EPC1: variants seen among roughly 807,000 people sequenced by gnomAD.
The protein encoded by EPC1 is enhancer of polycomb 1.
EPC1 carries 12 observed loss-of-function variants against 98.4 expected under a neutral mutation model. The ratio of observed to expected loss-of-function variants is 0.12; its 90% CI spans 0.08 to 0.20. The LOEUF (loss-of-function observed/expected upper bound fraction) is 0.20. EPC1 is among the 10% of genes least tolerant of loss of function. The pLI, the probability that EPC1 is intolerant of heterozygous loss-of-function variation, is 1.00. For synonymous variants in EPC1, 357 were observed against 363.9 expected, an observed-to-expected ratio of 0.98 and a Z score of 0.21; for missense variants, 729 against 990.5, an observed-to-expected ratio of 0.74 and a Z score of 3.54.
intron 1 of EPC1, among the ~76,000 whole-genome samples, chr10:32,316,230 G>C (rs73247703): frequency 0.052 from 7,968 of 152,238 alleles, 659 homozygotes; most frequent in African/African-American, 0.18. Context: ...GGAATAACTA[G>C]AACTCTCATA....
chr10:32,352,889 C>G (rs558990683), intron 1 of EPC1, among the ~76,000 whole-genome samples: 8 of 152,300 alleles, frequency 5.3e-5, no homozygotes, highest in Non-Finnish European at 1.0e-4. Flanking sequence ...GACACAGTGG[C>G]TCACACCTGT....
At chr10:32,320,558 T>A (rs1243595463) in intron 1 of EPC1, among the ~76,000 whole-genome samples, 1 of 152,192 alleles carries the variant, frequency 6.6e-6, no homozygotes, top group East Asian at 1.9e-4. Context: ...TCTTCCAAAT[T>A]AATAATACAG....
intron 1 of EPC1, among the ~76,000 whole-genome samples, chr10:32,336,210 A>G (rs1564553871): frequency 6.6e-6 from 1 of 151,890 alleles, no homozygotes; most frequent in Non-Finnish European, 1.5e-5. Context: ...CTGGGATTAC[A>G]GGCGTCTGCC....
chr10:32,367,162 A>G (rs1343246914), intron 1 of EPC1, among the ~76,000 whole-genome samples: 1 of 151,972 alleles, frequency 6.6e-6, no homozygotes, highest in African/African-American at 2.4e-5. Flanking sequence ...CACCTGGCTA[A>G]TTTTTGTATT....
At chr10:32,317,775 T>C (rs1836642501) in intron 1 of EPC1, among the ~76,000 whole-genome samples, 1 of 152,192 alleles carries the variant, frequency 6.6e-6, no homozygotes, top group Non-Finnish European at 1.5e-5. Flanking sequence ...TCACAAGAAA[T>C]AAATGATACA....
chr10:32,358,677 TAA>T (rs1256703211), intron 1 of EPC1, among the ~76,000 whole-genome samples: 2 of 150,734 alleles, frequency 1.3e-5, no homozygotes, highest in Admixed American at 1.3e-4. Context: ...AAAGTGGGTT[TAA>T]ATTTTCACGG....
At position 32,273,149 on chromosome 10, in the gene EPC1, G is replaced by A; in HGVS notation, c.1863+14C>T. On this transcript the variant is annotated intron_variant, in intron 11 of 13. Transcript: ENST00000319778. ...AACAATGAGGGATAATCATAAGACA[G>A]ACAAATCCCTCACCTGTGATGTGTT... The A allele has an allele frequency of 6.2e-7, 1 of 1,614,108 alleles. No homozygotes were observed. Among genetic ancestry groups the A allele is most frequent in the South Asian group, 1.1e-5 (1 of 91,084 alleles).
intron 1 of EPC1, among the ~76,000 whole-genome samples, chr10:32,376,481 T>A (rs924776576): frequency 6.6e-6 from 1 of 152,096 alleles, no homozygotes; most frequent in Non-Finnish European, 1.5e-5. Flanking sequence ...CTATAAATAA[T>A]CTATAATGTC....
chr10:32,291,483 T>C (rs1834847098), intron 5 of EPC1, 161 bp from the exon 6 acceptor site: 1 of 571,814 alleles, frequency 1.7e-6, no homozygotes, highest in African/African-American at 1.9e-5. Context: ...GTGAGATTAC[T>C]TAAGATCTAC....
chr10:32,325,223 C>G (rs1837202475), intron 1 of EPC1, among the ~76,000 whole-genome samples: 1 of 152,014 alleles, frequency 6.6e-6, no homozygotes, highest in Non-Finnish European at 1.5e-5. Flanking sequence ...CACTGTAAAA[C>G]ACAAAACAAA....
intron 1 of EPC1, among the ~76,000 whole-genome samples, chr10:32,363,096 C>T (rs1179093010): frequency 6.6e-6 from 1 of 152,150 alleles, no homozygotes; most frequent in Admixed American, 6.5e-5. Flanking sequence ...ACCTGAGAGA[C>T]AGGGTTTCAC....
At chr10:32,345,203 T>C (rs1838681227) in intron 1 of EPC1, 1 of 984,912 alleles carries the variant, frequency 1.0e-6, no homozygotes, top group African/African-American at 1.7e-5. Context: ...ACAAGTAAAA[T>C]AAATTAAGAG....
chr10:32,302,649 C>A (rs376513418), intron 2 of EPC1, among the ~76,000 whole-genome samples: 497 of 117,158 alleles, frequency 4.2e-3, no homozygotes, highest in African/African-American at 4.6e-3. Flanking sequence ...GACTCCATCT[C>A]AAAAAAAAAA....
At chr10:32,271,501 G>A (rs1835841053) in intron 13 of EPC1, 53 bp downstream of exon 13, 2 of 1,561,256 alleles carry the variant, frequency 1.3e-6, no homozygotes, top group African/African-American at 1.4e-5. Context: ...GATGCTGGAG[G>A]ACTGAAGTTA....
At chr10:32,335,176 T>C (rs1837882108) in intron 1 of EPC1, among the ~76,000 whole-genome samples, 1 of 152,158 alleles carries the variant, frequency 6.6e-6, no homozygotes. Flanking sequence ...TTATCTTGTA[T>C]TGTTTGCTCA....
intron 10 of EPC1, chr10:32,283,678 C>T (rs1836520822): frequency 6.6e-6 from 1 of 152,148 alleles, no homozygotes; most frequent in South Asian, 2.1e-4. Flanking sequence ...ATACATATAA[C>T]ATACAAAACA....
At chr10:32,286,903 T>C in intron 8 of EPC1, 23 bp downstream of exon 8, 1 of 1,610,346 alleles carries the variant, frequency 6.2e-7, no homozygotes, top group Non-Finnish European at 8.5e-7. Context: ...GTTTGTTATT[T>C]ACAAAGACAC....
intron 1 of EPC1, chr10:32,377,272 GA>G (rs1839889287): frequency 6.6e-6 from 1 of 152,088 alleles, no homozygotes; most frequent in Admixed American, 6.6e-5. Flanking sequence ...CTACTTATTA[GA>G]AAAACCTCAG....
chr10:32,334,049 G>A (rs978904047), intron 1 of EPC1, among the ~76,000 whole-genome samples: 4 of 152,230 alleles, frequency 2.6e-5, no homozygotes, highest in Non-Finnish European at 4.4e-5. Context: ...CATGGGGAAA[G>A]GCGACTGTGG....
Sources: allele counts gnomAD v4.1 joint callset (sites outside exome capture counted in the v4.1 genomes callset), GRCh38; gene constraint gnomAD v4.1.1; transcripts MANE v1.5; gene names NCBI Gene and HGNC (gene_info 2026-07-23, HGNC 2026-07-21).